POP4: variants seen among roughly 807,000 people sequenced by gnomAD.
POP4 encodes the protein ribonuclease P protein subunit p29.
In POP4, 31 loss-of-function variants were observed where a neutral mutation model predicts 29.9. That is an observed-to-expected ratio of 1.04 (90% CI 0.78 to 1.40). The LOEUF is 1.40. Ranked by LOEUF, POP4 falls within the 40% of genes most tolerant of loss-of-function variation. The pLI, the probability that POP4 is intolerant of heterozygous loss-of-function variation, is 0.00. For missense variants in POP4, 286 were observed against 282.7 expected (o/e 1.01, Z -0.08); for synonymous variants, 110 against 108.2 (o/e 1.02, Z -0.10).
chr19:29,615,246 A>G lies in POP4; in HGVS notation c.529A>G (p.Ile177Val). ...GCCTTTTTTTTTTTTTTTTTCAGTT[A>G]TCCCCAAGCTAAACTGCGTGTTCAC... ...IITKEDRLKV[I>V]PKLNCVFTVE... The change falls in exon 7 of 7, where the codon ATC becomes GTC. Residue 177 changes from isoleucine (I) to valine (V), a missense_variant and splice_region_variant. By Grantham distance (29) the Ile-to-Val change is conservative. Coordinates refer to ENST00000585603, the MANE Select transcript of POP4 (RefSeq NM_006627.3). 1 of 1,240,044 alleles carries G rather than the reference A, an allele frequency of 8.1e-7. No individual in the cohort carries two copies. The highest frequency in any genetic ancestry group is 1.0e-6 in the Non-Finnish European group (1 of 977,618). 76.8% of individuals were successfully genotyped at this position (1,240,044 alleles called of 1,614,324 possible).
chr19:29,609,023 C>G (rs1971035873), intron 2 of POP4: 2 of 267,520 alleles, frequency 7.5e-6, no homozygotes, highest in African/African-American at 4.4e-5. Context: ...GTCACTGTGC[C>G]CTCTGCACTT....
At chr19:29,614,855 C>T (rs1971112676) in intron 6 of POP4, among the ~76,000 whole-genome samples, 1 of 152,124 alleles carries the variant, frequency 6.6e-6, no homozygotes, top group African/African-American at 2.4e-5. Flanking sequence ...CCTTATTTTC[C>T]TACATATCCT....
intron 1 of POP4, among the ~76,000 whole-genome samples, chr19:29,608,272 T>C (rs929418698): frequency 2.9e-5 from 4 of 139,436 alleles, no homozygotes; most frequent in African/African-American, 1.1e-4. Context: ...CTTTTTTTTT[T>C]TTTTTTTTTT....
intron 2 of POP4, chr19:29,609,356 T>G (rs986686051): frequency 1.3e-5 from 2 of 152,438 alleles, no homozygotes; most frequent in African/African-American, 4.8e-5. Context: ...GAAGGCTATA[T>G]GTACCCTATC....
intron 6 of POP4, among the ~76,000 whole-genome samples, chr19:29,615,038 A>G (rs1057162803): frequency 2.0e-5 from 3 of 152,190 alleles, no homozygotes; most frequent in African/African-American, 4.8e-5. Context: ...TTAGGTGCCA[A>G]GCTACATTTA....
rs1355312242 is a variant in POP4, at chr19:29,610,419, C to T, written c.71C>T (p.Ala24Val). ...ANDSDVQPSG[A>V]QRAEAFVRAF... ...CTTGTCCGCCTGCAGCCTTCAGGAG[C>T]ACAGCGGGCCGAGGCCTTCGTGAGG... The change falls in exon 3 of 7, where the codon GCA (alanine) becomes GTA (valine). Residue 24 changes from alanine (A) to valine (V), a missense_variant. By Grantham distance (64) the Ala-to-Val change is moderately conservative. Coordinates refer to ENST00000585603, the MANE Select transcript of POP4 (RefSeq NM_006627.3). 4.5e-6 allele frequency: 7 copies of T among 1,562,000 alleles called. No individual in the cohort carries two copies. Among genetic ancestry groups the T allele is most frequent in the African/African-American group, 1.4e-5 (1 of 74,022 alleles).
Position 29,606,385 on chromosome 19 carries a change from T to C in POP4, c.7+60T>C, listed in dbSNP as rs112640675. ...ACGTTAAGGGTCGGGGTCTTGGTAC[T>C]GGTGGGTGAAATGGGTCCGGGCTAC... On this transcript the variant is annotated intron_variant, in intron 1 of 6. Transcript: ENST00000585603. 1.7e-5 allele frequency: 26 copies of C among 1,551,258 alleles called. 1 individual carries two copies. The African/African-American group carries it at 2.2e-4, about 13-fold the overall frequency.
chr19:29,607,042 G>A (rs1357915086), intron 1 of POP4, among the ~76,000 whole-genome samples: 2 of 152,108 alleles, frequency 1.3e-5, no homozygotes, highest in Non-Finnish European at 2.9e-5. Flanking sequence ...ATCAGGCCCC[G>A]CAAGTTGCTC....
chr19:29,609,240 C>G (rs1311475876), intron 2 of POP4: 1 of 153,032 alleles, frequency 6.5e-6, no homozygotes, highest in Non-Finnish European at 1.5e-5. Context: ...AGAATCAGAT[C>G]ATTGTCCTAT....
At chr19:29,608,806 C>G (rs1599485154) in intron 2 of POP4, 97 bp downstream of exon 2, 8 of 1,141,020 alleles carry the variant, frequency 7.0e-6, no homozygotes, top group Non-Finnish European at 1.1e-5. Context: ...TGTCCTTTCC[C>G]ACATCATACT....
intron 3 of POP4, chr19:29,610,850 G>C (rs1971060244): frequency 1.8e-6 from 1 of 570,350 alleles, no homozygotes; most frequent in African/African-American, 1.9e-5. Flanking sequence ...TCACCTTCAG[G>C]AGTAAGACCC....
intron 2 of POP4, among the ~76,000 whole-genome samples, chr19:29,609,943 C>T (rs1971044986): frequency 6.6e-6 from 1 of 152,182 alleles, no homozygotes; most frequent in Non-Finnish European, 1.5e-5. Context: ...GCTTGGCCGA[C>T]CCTGGAGCCC....
Position 29,615,196 on chromosome 19 carries a change from A to G in POP4, c.527-48A>G, listed in dbSNP as rs114478749. ...ACCTAAAAGTAAAATATTAATAAATATTTTTCCTCATCTTTTTTTCTCCTG... is the reference window on the plus strand; with the variant it reads ...ACCTAAAAGTAAAATATTAATAAATGTTTTTCCTCATCTTTTTTTCTCCTG... On this transcript the variant is annotated intron_variant, in intron 6 of 6. Transcript: ENST00000585603. The G allele has an allele frequency of 1.5e-3, 2,224 of 1,451,878 alleles. 27 individuals are homozygous for G. The African/African-American group carries it at 0.028, about 18-fold the overall frequency. The allele number at this position is 1,451,878 out of a possible 1,614,324, so 89.9% of individuals were successfully genotyped here. A position where few individuals can be genotyped will look rare whatever the true frequency, so the allele number is the denominator to read the frequency against.
In POP4 at chr19:29,616,940, G is replaced by C. The variant is rs927268605; in HGVS notation, c.*1560G>C. 2 of 105,386 alleles carry C rather than the reference G, an allele frequency of 1.9e-5. No homozygotes were observed. The highest frequency in any genetic ancestry group is 4.4e-5 in the Non-Finnish European group (2 of 45,456). 6.5% of individuals were successfully genotyped at this position (105,386 alleles called of 1,614,324 possible). On this transcript the variant is annotated 3_prime_UTR_variant, in exon 7 of 7. Coordinates refer to ENST00000585603, the MANE Select transcript of POP4 (RefSeq NM_006627.3). ...CTTGCCTAAGGCCTCGCTGACTCAA[G>C]GGTAGATTGAGATTTGGACCTAATA...
chr19:29,607,513 A>T (rs1971013863), intron 1 of POP4, among the ~76,000 whole-genome samples: 1 of 152,186 alleles, frequency 6.6e-6, no homozygotes, highest in African/African-American at 2.4e-5. Flanking sequence ...ATTCTCAGGG[A>T]AGTACAAGAA....
chr19:29,606,987 C>T (rs183362170), intron 1 of POP4, among the ~76,000 whole-genome samples: 1 of 152,292 alleles, frequency 6.6e-6, no homozygotes, highest in East Asian at 1.9e-4. Context: ...TGCAGAAAGA[C>T]TTCCAAGTCT....
In POP4 at chr19:29,615,350, G is replaced by A. The variant is rs201670827; in HGVS notation, c.633G>A (p.Lys211=). Residue 211 remains lysine, a synonymous_variant, in exon 7 of 7, where the codon AAG becomes AAA. Transcript: ENST00000585603. ...QLRSSERSAK[K]FKAKGTIDL The stretch of plus-strand genomic sequence containing the variant: ...GGTCAAGTGAACGGTCTGCGAAGAA[G>A]TTCAAAGCGAAGGGAACGATTGACC... 1 of 1,613,460 alleles carries A rather than the reference G, an allele frequency of 6.2e-7. No individual in the cohort carries two copies. Among genetic ancestry groups the A allele is most frequent in the East Asian group, 2.2e-5 (1 of 44,836 alleles).
chr19:29,615,128 A>C, intron 6 of POP4, 116 bp from the exon 7 acceptor site: 1 of 1,260,370 alleles, frequency 7.9e-7, no homozygotes, highest in South Asian at 1.8e-5. Context: ...CCCGTTTCCT[A>C]TTAGCTTATT....
At chr19:29,606,368 G>A (rs755999882) in intron 1 of POP4, 43 bp downstream of exon 1, 42 of 1,589,268 alleles carry the variant, frequency 2.6e-5, no homozygotes, top group Admixed American at 7.2e-5. Context: ...GGACGTTAAG[G>A]GTCGGGGTCT....
Sources: allele counts gnomAD v4.1 joint callset (sites outside exome capture counted in the v4.1 genomes callset), GRCh38; gene constraint gnomAD v4.1.1; transcripts MANE v1.5; gene names NCBI Gene and HGNC (gene_info 2026-07-23, HGNC 2026-07-21).